The following RIN2 variants were observed in gnomAD, a reference collection of about 807,000 sequenced individuals.
RIN2 encodes the protein Ras and Rab interactor 2, also known as RAB5 interacting protein 2.
Under a neutral mutation model 78.0 loss-of-function variants are expected in RIN2, and 36 were observed. The observed-to-expected ratio is 0.46, with a 90% CI of 0.35 to 0.61. The LOEUF (loss-of-function observed/expected upper bound fraction) is 0.61, where lower values mean the gene tolerates loss of function less well. RIN2 is among the 20% of genes least tolerant of loss of function. The pLI is 0.00. For synonymous variants in RIN2, 466 were observed against 466.8 expected (o/e 1.00, Z 0.02); for missense variants, 1,087 against 1,159.7 (o/e 0.94, Z 0.91).
intron 1 of RIN2, among the ~76,000 whole-genome samples, chr20:19,765,125 C>G (rs1035622863): frequency 9.2e-5 from 14 of 152,102 alleles, no homozygotes; most frequent in African/African-American, 3.4e-4. Context: ...GCTGGGATTA[C>G]AGGCGTGAGC....
chr20:19,988,558 G>T (rs533208215), intron 9 of RIN2, among the ~76,000 whole-genome samples: 1 of 152,124 alleles, frequency 6.6e-6, no homozygotes, highest in Non-Finnish European at 1.5e-5. Flanking sequence ...AAACGTGTGA[G>T]GTCAAAAAGC....
intron 2 of RIN2, among the ~76,000 whole-genome samples, chr20:19,848,055 C>T (rs572305963): frequency 2.0e-5 from 3 of 152,246 alleles, no homozygotes; most frequent in Admixed American, 6.5e-5. Flanking sequence ...GATTTGCTGA[C>T]TCCTGCTTGA....
chr20:19,771,069 G>A (rs1308760439), intron 1 of RIN2, among the ~76,000 whole-genome samples: 1 of 152,240 alleles, frequency 6.6e-6, no homozygotes, highest in Non-Finnish European at 1.5e-5. Context: ...CAGATGAAGA[G>A]AAGCACAGGG....
At chr20:19,934,296 A>G (rs940262851) in intron 3 of RIN2, among the ~76,000 whole-genome samples, 1 of 152,224 alleles carries the variant, frequency 6.6e-6, no homozygotes, top group Non-Finnish European at 1.5e-5. Context: ...TTCAAAAAAT[A>G]GTGAGCAGAG....
chr20:19,955,062 C>T (rs748395981), intron 4 of RIN2, among the ~76,000 whole-genome samples: 1 of 152,138 alleles, frequency 6.6e-6, no homozygotes, highest in Non-Finnish European at 1.5e-5. Context: ...AGAACATTTC[C>T]ATCACCCTGG....
intron 2 of RIN2, among the ~76,000 whole-genome samples, chr20:19,848,663 G>GT (rs11480052): frequency 0.7 from 105,571 of 150,984 alleles, 38,827 homozygotes; most frequent in East Asian, 0.87. Flanking sequence ...GAATGAAACA[G>GT]TTTTTTTTTC....
intron 2 of RIN2, chr20:19,872,410 A>G (rs1392526988): frequency 6.6e-6 from 1 of 152,238 alleles, no homozygotes; most frequent in Non-Finnish European, 1.5e-5. Flanking sequence ...CACTGGTCCA[A>G]ATGCAAAGGT....
At chr20:19,888,830 A>G (rs1183249056) in intron 2 of RIN2, among the ~76,000 whole-genome samples, 4 of 152,184 alleles carry the variant, frequency 2.6e-5, no homozygotes, top group African/African-American at 7.2e-5. Context: ...AGGCTTTGTG[A>G]CCCAAAGGGA....
At chr20:19,812,796 G>A (rs1284872240) in intron 2 of RIN2, among the ~76,000 whole-genome samples, 1 of 152,160 alleles carries the variant, frequency 6.6e-6, no homozygotes, top group Non-Finnish European at 1.5e-5. Flanking sequence ...GTCATTGTCT[G>A]GTAATAATAC....
intron 2 of RIN2, chr20:19,823,876 C>G (rs2036001484): frequency 1.2e-6 from 2 of 1,604,286 alleles, no homozygotes; most frequent in South Asian, 2.2e-5. Context: ...AGAAGTGGCA[C>G]CGACTTCACC....
chr20:19,977,202 C>G (rs1252988013), intron 9 of RIN2, among the ~76,000 whole-genome samples: 1 of 152,134 alleles, frequency 6.6e-6, no homozygotes, highest in African/African-American at 2.4e-5. Context: ...GAGGGGGGTG[C>G]AGCCAGGCAG....
At chr20:19,931,784 T>C (rs140543218) in intron 3 of RIN2, among the ~76,000 whole-genome samples, 22 of 152,154 alleles carry the variant, frequency 1.4e-4, no homozygotes, top group Non-Finnish European at 2.8e-4. Context: ...ATACATACAG[T>C]TCTGGTTCAT....
intron 1 of RIN2, among the ~76,000 whole-genome samples, chr20:19,761,219 A>G (rs976877295): frequency 2.6e-5 from 4 of 152,194 alleles, no homozygotes; most frequent in Non-Finnish European, 5.9e-5. Context: ...GAAAGCCTAA[A>G]ATTAGTCTGT....
chr20:19,953,068 C>T (rs2041386869), intron 4 of RIN2, among the ~76,000 whole-genome samples: 1 of 152,210 alleles, frequency 6.6e-6, no homozygotes, highest in African/African-American at 2.4e-5. Flanking sequence ...CACGCAGGCT[C>T]TCAAGTTTGA....
At chr20:19,775,379 G>A (rs1163624177) in intron 1 of RIN2, among the ~76,000 whole-genome samples, 1 of 152,170 alleles carries the variant, frequency 6.6e-6, no homozygotes, top group African/African-American at 2.4e-5. Flanking sequence ...CCTGCAAATG[G>A]GGCCCCCATT....
chr20:19,935,545 G>A, intron 4 of RIN2: 1 of 1,035,402 alleles, frequency 9.7e-7, no homozygotes, highest in Non-Finnish European at 1.2e-6. Flanking sequence ...GTGTAGCCGT[G>A]TGAGTCTCCA....
At chr20:19,781,471 C>A (rs990271217) in intron 1 of RIN2, among the ~76,000 whole-genome samples, 4 of 152,176 alleles carry the variant, frequency 2.6e-5, no homozygotes, top group African/African-American at 9.7e-5. Context: ...CATCTGCGTA[C>A]CCTTTACCAA....
intron 11 of RIN2, among the ~76,000 whole-genome samples, chr20:19,993,944 G>A (rs960630486): frequency 6.6e-6 from 1 of 152,180 alleles, no homozygotes; most frequent in African/African-American, 2.4e-5. Flanking sequence ...TTAGAAAGTC[G>A]ATTCTGTTGC....
rs35058562 is a variant in RIN2 at position 19,869,628 on chromosome 20, G to GT, written c.-36-19925dup. On this transcript the variant is annotated intron_variant, in intron 2 of 12. Coordinates refer to ENST00000255006, the MANE Select transcript of RIN2 (RefSeq NM_018993.4). ...TTTTAAGCTTTTATTTTGTTCTTGG[G>GT]TTTTTTTTTTTTTGAGAGACAGGGT... is the stretch of plus-strand genomic sequence containing the variant. Among the ~76,000 whole-genome samples the GT allele has an allele frequency of 3.2e-3, 463 of 143,286 alleles. 2 individuals are homozygous for GT. Among genetic ancestry groups the GT allele is most frequent in the East Asian group, 0.016 (81 of 4,922 alleles). 94.0% of individuals were successfully genotyped at this position (143,286 alleles called of 152,430 possible). A position where few individuals can be genotyped will look rare whatever the true frequency, so the allele number is the denominator to read the frequency against.
Sources: gnomAD v4.1 joint callset for allele counts (sites outside exome capture counted in the v4.1 genomes callset) on GRCh38, gnomAD v4.1.1 for gene constraint, MANE v1.5 for transcripts, NCBI Gene and HGNC (gene_info 2026-07-23, HGNC 2026-07-21) for gene names.